Variants in TSC22D1 observed in about 807,000 individuals in gnomAD.
TSC22D1 encodes TSC22 domain family protein 1.
In TSC22D1, 9 loss-of-function variants were observed where a neutral mutation model predicts 74.2. That is an observed-to-expected ratio of 0.12 (90% CI 0.07 to 0.21). The LOEUF is 0.21. Ranked by LOEUF, TSC22D1 falls within the 10% of genes least tolerant of loss-of-function variation. The pLI is 1.00. For synonymous variants in TSC22D1, 586 were observed against 492.5 expected (o/e 1.19, Z -2.51); for missense variants, 1,427 against 1,304.7 (o/e 1.09, Z -1.44).
At chr13:44,455,348 T>TGC (rs1876495626) in intron 1 of TSC22D1, among the ~76,000 whole-genome samples, 1 of 152,236 alleles carries the variant, frequency 6.6e-6, no homozygotes, top group South Asian at 2.1e-4. Context: ...ATCATAGGAC[T>TGC]GCGCAGTAAC....
intron 1 of TSC22D1, chr13:44,539,757 A>G: frequency 3.9e-6 from 5 of 1,266,842 alleles, no homozygotes; most frequent in Non-Finnish European, 5.1e-6. Context: ...AAATAATGGA[A>G]AGCACCCACT....
chr13:44,452,168 G>A (rs550062283), intron 1 of TSC22D1, among the ~76,000 whole-genome samples: 1 of 152,218 alleles, frequency 6.6e-6, no homozygotes, highest in East Asian at 1.9e-4. Flanking sequence ...CCCAAATGAG[G>A]TTAAGTAACG....
chr13:44,509,365 G>A (rs372386634), intron 1 of TSC22D1, among the ~76,000 whole-genome samples: 19 of 152,344 alleles, frequency 1.2e-4, no homozygotes, highest in Admixed American at 5.9e-4. Flanking sequence ...AAGGCAGGGC[G>A]TGGTGGCTCA....
In TSC22D1 at chr13:44,574,016, C is replaced by A. The variant is rs760103098; in HGVS notation, c.2059G>T (p.Ala687Ser). The change falls in exon 1 of 3, where the codon GCT becomes TCT. Residue 687 changes from alanine (A) to serine (S), a missense_variant. Coordinates refer to ENST00000458659, the MANE Select transcript of TSC22D1 (RefSeq NM_183422.4). ...GGCAGCTGGATACCCTGTGGCTGAG[C>A]CACAGGAATCACTGTTGTTCCTGCT... The part of the protein sequence containing the change: ...VGAGTTVIPV[A>S]QPQGIQLPVQ... 1.9e-6 allele frequency: 3 copies of A among 1,614,018 alleles called. No homozygotes were observed. In the Admixed American group the frequency reaches 5.0e-5, roughly 27 times the overall value.
intron 1 of TSC22D1, among the ~76,000 whole-genome samples, chr13:44,502,535 A>T (rs1879263320): frequency 6.6e-6 from 1 of 152,234 alleles, no homozygotes; most frequent in Non-Finnish European, 1.5e-5. Flanking sequence ...CCAGAACCAC[A>T]AAACTGTTGT....
chr13:44,561,932 GGAGA>G (rs1484789830), intron 1 of TSC22D1, among the ~76,000 whole-genome samples: 1 of 152,120 alleles, frequency 6.6e-6, no homozygotes, highest in Non-Finnish European at 1.5e-5. Flanking sequence ...CTCTCCTTAA[GGAGA>G]GAGAGCGAGC....
intron 1 of TSC22D1, among the ~76,000 whole-genome samples, chr13:44,483,072 AACT>A (rs1238758234): frequency 8.5e-5 from 13 of 152,332 alleles, no homozygotes; most frequent in African/African-American, 3.1e-4. Flanking sequence ...TTAAAAAAGT[AACT>A]ACATTATTTA....
At chr13:44,451,538 A>G (rs905320536) in intron 1 of TSC22D1, 4 of 152,374 alleles carry the variant, frequency 2.6e-5, no homozygotes, top group African/African-American at 9.6e-5. Context: ...AATTAACTGG[A>G]AAGCGATGGA....
Position 44,433,896 on chromosome 13 carries a change from AAAC to A in TSC22D1, c.*727_*729del. On this transcript the variant is annotated 3_prime_UTR_variant, in exon 3 of 3. Coordinates refer to ENST00000458659, the MANE Select transcript of TSC22D1 (RefSeq NM_183422.4). ...TCCACACCTCCTCAGACAGCCAATG[AAAC>A]AACTAAATTTCAATCTGTACAACCT... The A allele has an allele frequency of 1.5e-6, 2 of 1,329,800 alleles. No homozygotes were observed. Among genetic ancestry groups the A allele is most frequent in the South Asian group, 2.9e-5 (2 of 68,802 alleles). The allele number at this position is 1,329,800 out of a possible 1,614,324, so 82.4% of individuals were successfully genotyped here. A position where few individuals can be genotyped will look rare whatever the true frequency, so the allele number is the denominator to read the frequency against.
At chr13:44,498,741 G>A (rs1028701547) in intron 1 of TSC22D1, among the ~76,000 whole-genome samples, 26 of 151,966 alleles carry the variant, frequency 1.7e-4, no homozygotes, top group African/African-American at 4.6e-4. Context: ...ATCACTATTC[G>A]TCATTCCCCA....
At position 44,574,377 on chromosome 13, in the gene TSC22D1, A is replaced by G; in HGVS notation, c.1698T>C (p.Pro566=). The G allele has an allele frequency of 6.2e-7, 1 of 1,614,206 alleles. No individual in the cohort carries two copies. The highest frequency in any genetic ancestry group is 1.1e-5 in the South Asian group (1 of 91,088). Residue 566 remains proline, a synonymous_variant, in exon 1 of 3, where the codon CCT becomes CCC. Transcript: ENST00000458659. The part of the protein sequence containing the change: ...YQQKQGLQPV[P]LQATMSAATG... ...TTGCAGCACTCATAGTGGCTTGCAG[A>G]GGTACTGGCTGAAGACCTTGCTTTT...
At chr13:44,451,499 A>G (rs1377017545) in intron 1 of TSC22D1, 2 of 152,222 alleles carry the variant, frequency 1.3e-5, no homozygotes, top group Non-Finnish European at 1.5e-5. Flanking sequence ...AGTGTTTAAA[A>G]AATGGTAAGT....
At chr13:44,487,849 G>A (rs957353468) in intron 1 of TSC22D1, among the ~76,000 whole-genome samples, 5 of 152,080 alleles carry the variant, frequency 3.3e-5, no homozygotes, top group African/African-American at 1.2e-4. Context: ...TTCAGGCCAG[G>A]AGTTTGAGAC....
chr13:44,433,721 GA>G lies in TSC22D1; in HGVS notation c.*904del. On this transcript the variant is annotated 3_prime_UTR_variant, in exon 3 of 3. Coordinates refer to ENST00000458659, the MANE Select transcript of TSC22D1 (RefSeq NM_183422.4). Reference sequence around the variant, plus strand: ...TTCAAAGTATTCAACCAGCTCAATTGAAAGACTTCAGTGAACAAGGATTTAC... The same window carrying G: ...TTCAAAGTATTCAACCAGCTCAATTGAAGACTTCAGTGAACAAGGATTTAC... 2.2e-6 allele frequency: 1 copy of G among 461,508 alleles called. No homozygotes were observed. The highest frequency in any genetic ancestry group is 3.8e-6 in the Non-Finnish European group (1 of 264,942). The allele number at this position is 461,508 out of a possible 1,614,324, so 28.6% of individuals were successfully genotyped here. A position where few individuals can be genotyped will look rare whatever the true frequency, so the allele number is the denominator to read the frequency against.
chr13:44,504,465 G>A (rs917557834), intron 1 of TSC22D1, among the ~76,000 whole-genome samples: 2 of 152,032 alleles, frequency 1.3e-5, no homozygotes, highest in East Asian at 3.9e-4. Flanking sequence ...TTAGGTGGAC[G>A]TGGTGGCTTG....
At chr13:44,551,158 T>C (rs1882210604) in intron 1 of TSC22D1, among the ~76,000 whole-genome samples, 1 of 151,682 alleles carries the variant, frequency 6.6e-6, no homozygotes, top group African/African-American at 2.4e-5. Flanking sequence ...GCAGTCCTGG[T>C]TACTCAGGGA....
chr13:44,468,781 T>C lies in TSC22D1; in HGVS notation c.2913-32686A>G, dbSNP rs563150504. On this transcript the variant is annotated intron_variant, in intron 1 of 2. Transcript: ENST00000458659. ...ATTATCATCTTTATTATGAAGAATTTATAATATGCTAAATGCACAGAAATA... is the reference window on the plus strand; with the variant it reads ...ATTATCATCTTTATTATGAAGAATTCATAATATGCTAAATGCACAGAAATA... Among the ~76,000 whole-genome samples the C allele has an allele frequency of 3.3e-5, 5 of 150,152 alleles. No homozygotes were observed. In the Admixed American group the frequency reaches 3.3e-4, roughly 10 times the overall value.
At chr13:44,499,621 C>G (rs1879132690) in intron 1 of TSC22D1, among the ~76,000 whole-genome samples, 1 of 152,062 alleles carries the variant, frequency 6.6e-6, no homozygotes, top group Admixed American at 6.5e-5. Context: ...TCTGCTGGAC[C>G]CAAAGCATTT....
intron 2 of TSC22D1, chr13:44,435,710 C>T (rs1381387083): frequency 2.8e-6 from 1 of 355,140 alleles, no homozygotes; most frequent in Non-Finnish European, 5.2e-6. Flanking sequence ...AGTAAAGCCA[C>T]ATCGCTAAAG....
Sources: gnomAD v4.1 joint callset for allele counts (sites outside exome capture counted in the v4.1 genomes callset) on GRCh38, gnomAD v4.1.1 for gene constraint, MANE v1.5 for transcripts, NCBI Gene and HGNC (gene_info 2026-07-23, HGNC 2026-07-21) for gene names.